Variants in FAM117B observed in about 807,000 individuals in gnomAD.
FAM117B encodes family with sequence similarity 117 member B, also known as protein FAM117B.
A neutral mutation model predicts 52.8 loss-of-function variants in FAM117B; 22 were observed. The observed-to-expected ratio is 0.42, with a 90% CI of 0.30 to 0.59. The LOEUF is 0.59. Among genes scored for constraint, FAM117B ranks in the 20% least tolerant of loss-of-function variants. The probability of loss-of-function intolerance (pLI) is 0.22; values close to 1 mark genes in which losing one functional copy is unlikely to be tolerated. For missense variants in FAM117B, 678 were observed against 802.6 expected, an observed-to-expected ratio of 0.84 and a Z score of 1.88; for synonymous variants, 309 against 324.1, an observed-to-expected ratio of 0.95 and a Z score of 0.50.
rs554944812 is a variant in FAM117B at position 202,657,992 on chromosome 2, A to T, written c.601+22204A>T. 6.6e-5 allele frequency among the ~76,000 whole-genome samples: 10 copies of T among 152,336 alleles called. No individual in the cohort carries two copies. The East Asian group carries it at 1.9e-3, about 29-fold the overall frequency. On this transcript the variant is annotated intron_variant, in intron 1 of 7. Transcript: ENST00000392238. The stretch of plus-strand genomic sequence containing the variant: ...TTTACTGCTTCAGGTGAAATGCAGA[A>T]ATCACACAATCTATGTTTCTTTAGC...
intron 1 of FAM117B, among the ~76,000 whole-genome samples, chr2:202,670,101 T>C (rs1163873388): frequency 6.6e-6 from 1 of 152,200 alleles, no homozygotes; most frequent in African/African-American, 2.4e-5. Flanking sequence ...TCTCACGTAC[T>C]GTCTAAATCA....
rs557990674 is a variant in FAM117B, at chr2:202,697,078, AAAAAC to A, written c.753+1050_753+1054del. Among the ~76,000 whole-genome samples, 457 of 152,308 alleles carry A rather than the reference AAAAAC, an allele frequency of 3.0e-3. 4 individuals carry two copies. Among genetic ancestry groups the A allele is most frequent in the African/African-American group, 0.011 (441 of 41,578 alleles). On this transcript the variant is annotated intron_variant, in intron 2 of 7. Coordinates refer to ENST00000392238, the MANE Select transcript of FAM117B (RefSeq NM_173511.4). ...AGTGAGAACCTGTCTCAAAAAAAGA[AAAAAC>A]AAAGAAGAAGAAATCATTCAGGTCT...
At chr2:202,718,242 C>T (rs567055891) in intron 2 of FAM117B, among the ~76,000 whole-genome samples, 22 of 152,324 alleles carry the variant, frequency 1.4e-4, no homozygotes, top group Non-Finnish European at 1.9e-4. Flanking sequence ...GGCCTGGAAT[C>T]GAGAACCCCA....
chr2:202,722,744 C>T (rs915802824), intron 2 of FAM117B, among the ~76,000 whole-genome samples: 6 of 151,448 alleles, frequency 4.0e-5, no homozygotes, highest in African/African-American at 1.2e-4. Context: ...ACCTGGGTGA[C>T]GAAATAATCT....
At chr2:202,679,532 A>G (rs181727689) in intron 1 of FAM117B, among the ~76,000 whole-genome samples, 161 of 152,332 alleles carry the variant, frequency 1.1e-3, no homozygotes, top group Middle Eastern at 3.4e-3. Flanking sequence ...CTCTATGTTA[A>G]GTAATTCCCA....
chr2:202,640,192 AC>A (rs1689746418), intron 1 of FAM117B, among the ~76,000 whole-genome samples: 2 of 149,586 alleles, frequency 1.3e-5, no homozygotes, highest in Non-Finnish European at 3.0e-5. Context: ...AATCACTTGA[AC>A]CCAGAAGGTG....
intron 4 of FAM117B, among the ~76,000 whole-genome samples, chr2:202,745,191 A>T (rs1338396492): frequency 6.6e-6 from 1 of 151,784 alleles, no homozygotes; most frequent in Admixed American, 6.6e-5. Context: ...GAGGCATGAG[A>T]ATCTCTTGAA....
chr2:202,722,261 C>T (rs751403314), intron 2 of FAM117B, among the ~76,000 whole-genome samples: 13 of 152,024 alleles, frequency 8.6e-5, no homozygotes, highest in South Asian at 2.1e-4. Context: ...CCACCCGCCT[C>T]GGCCTCCTGG....
chr2:202,699,451 A>G (rs1430451178), intron 2 of FAM117B, among the ~76,000 whole-genome samples: 58 of 73,764 alleles, frequency 7.9e-4, no homozygotes, highest in African/African-American at 5.4e-3. Context: ...AAAAAAAAGA[A>G]AAAAAAAAAA....
At chr2:202,655,718 G>C (rs988070148) in intron 1 of FAM117B, among the ~76,000 whole-genome samples, 10,675 of 102,658 alleles carry the variant, frequency 0.1, 426 homozygotes, top group East Asian at 0.16. Context: ...GAGAGAGAGA[G>C]AGAGAGAGAG....
At chr2:202,683,366 T>C (rs948141917) in intron 1 of FAM117B, among the ~76,000 whole-genome samples, 3 of 152,054 alleles carry the variant, frequency 2.0e-5, no homozygotes, top group Non-Finnish European at 4.4e-5. Flanking sequence ...AAAACCTGTT[T>C]AGTAGAGGAA....
intron 7 of FAM117B, among the ~76,000 whole-genome samples, chr2:202,764,094 A>G (rs1306601398): frequency 6.6e-6 from 1 of 152,196 alleles, no homozygotes; most frequent in African/African-American, 2.4e-5. Flanking sequence ...TTTTAAATGC[A>G]TCATATACAC....
At chr2:202,638,727 G>C (rs554424292) in intron 1 of FAM117B, among the ~76,000 whole-genome samples, 1 of 152,306 alleles carries the variant, frequency 6.6e-6, no homozygotes, top group Non-Finnish European at 1.5e-5. Flanking sequence ...CCAGCACTTT[G>C]GGAGGCCGAG....
At chr2:202,742,325 A>G (rs759594970) in intron 4 of FAM117B, among the ~76,000 whole-genome samples, 2 of 152,332 alleles carry the variant, frequency 1.3e-5, no homozygotes, top group South Asian at 2.1e-4. Flanking sequence ...AAGTAAAGCA[A>G]TGTGCTACTG....
intron 1 of FAM117B, among the ~76,000 whole-genome samples, chr2:202,639,146 A>G (rs549930220): frequency 6.6e-6 from 1 of 152,330 alleles, no homozygotes; most frequent in East Asian, 1.9e-4. Flanking sequence ...ATATAATTCT[A>G]TAAACCTCAT....
intron 1 of FAM117B, among the ~76,000 whole-genome samples, chr2:202,680,507 A>G (rs1437425076): frequency 3.3e-5 from 5 of 152,202 alleles, no homozygotes. Flanking sequence ...ATTAATCTCA[A>G]GCAGAATAAA....
At chr2:202,699,287 C>T (rs577894466) in intron 2 of FAM117B, among the ~76,000 whole-genome samples, 6 of 151,306 alleles carry the variant, frequency 4.0e-5, no homozygotes, top group African/African-American at 9.7e-5. Context: ...ATTAGCCAGG[C>T]GTGGTGGCGT....
chr2:202,703,468 G>C (rs1690825560), intron 2 of FAM117B, among the ~76,000 whole-genome samples: 1 of 152,092 alleles, frequency 6.6e-6, no homozygotes, highest in South Asian at 2.1e-4. Flanking sequence ...TGCCTCCCCT[G>C]CCCAGCCTCC....
intron 1 of FAM117B, among the ~76,000 whole-genome samples, chr2:202,682,318 A>G (rs1690474183): frequency 6.6e-6 from 1 of 152,144 alleles, no homozygotes; most frequent in Non-Finnish European, 1.5e-5. Flanking sequence ...GCAAAGTTAA[A>G]AGGGTGCTGT....
Sources: gnomAD v4.1 joint callset for allele counts (sites outside exome capture counted in the v4.1 genomes callset) on GRCh38, gnomAD v4.1.1 for gene constraint, MANE v1.5 for transcripts, NCBI Gene and HGNC (gene_info 2026-07-23, HGNC 2026-07-21) for gene names.